Variants in GLYATL3 observed in about 807,000 individuals in gnomAD.
GLYATL3 encodes glycine N-acyltransferase-like protein 3.
A neutral mutation model predicts 28.5 loss-of-function variants in GLYATL3; 31 were observed. That is an observed-to-expected ratio of 1.09 (90% CI 0.82 to 1.47). GLYATL3 has a LOEUF of 1.47. Among genes scored for constraint, GLYATL3 ranks in the 40% most tolerant of loss-of-function variants. GLYATL3 has a pLI of 0.00. For synonymous variants in GLYATL3, 141 were observed against 140.2 expected (o/e 1.01, Z -0.04); for missense variants, 369 against 351.5 (o/e 1.05, Z -0.40).
chr6:49,518,713 G>A (rs1346401443), intron 4 of GLYATL3, among the ~76,000 whole-genome samples: 1 of 152,054 alleles, frequency 6.6e-6, no homozygotes, highest in African/African-American at 2.4e-5. Context: ...GGCCGAGGTG[G>A]GTAGATCGTG....
chr6:49,507,772 A>T, intron 1 of GLYATL3, among the ~76,000 whole-genome samples: 1 of 152,070 alleles, frequency 6.6e-6, no homozygotes, highest in Non-Finnish European at 1.5e-5. Context: ...AAATAGACAC[A>T]CACAAGATAG....
chr6:49,520,979 G>A (rs573241738), intron 4 of GLYATL3, among the ~76,000 whole-genome samples: 7 of 152,310 alleles, frequency 4.6e-5, no homozygotes, highest in South Asian at 4.1e-4. Flanking sequence ...TCATTCCACT[G>A]CACTCTAACC....
At chr6:49,514,279 C>G (rs1390623540) in intron 2 of GLYATL3, among the ~76,000 whole-genome samples, 1 of 152,178 alleles carries the variant, frequency 6.6e-6, no homozygotes, top group Non-Finnish European at 1.5e-5. Context: ...AATTGGATCA[C>G]ACAGTAAGTA....
chr6:49,523,537 A>C (rs531927452), intron 5 of GLYATL3, among the ~76,000 whole-genome samples: 39 of 152,338 alleles, frequency 2.6e-4, no homozygotes, highest in Non-Finnish European at 1.6e-4. Flanking sequence ...AGTCCTGGAA[A>C]TGGTAGCCCC....
At chr6:49,501,707 C>A (rs1186077233) in intron 1 of GLYATL3, among the ~76,000 whole-genome samples, 1 of 152,158 alleles carries the variant, frequency 6.6e-6, no homozygotes, top group Non-Finnish European at 1.5e-5. Flanking sequence ...TCCATAGAAA[C>A]AGGATGTGAA....
intron 5 of GLYATL3, among the ~76,000 whole-genome samples, chr6:49,526,033 G>T (rs1481757028): frequency 6.6e-6 from 1 of 152,234 alleles, no homozygotes; most frequent in Non-Finnish European, 1.5e-5. Flanking sequence ...CCGGAAAGGT[G>T]TTGGTAAATC....
rs1769252809 is a variant in GLYATL3 at position 49,518,329 on chromosome 6, GAGA to G, written c.313+780_313+782del. 3.3e-5 allele frequency among the ~76,000 whole-genome samples: 5 copies of G among 152,330 alleles called. No homozygotes were observed. The South Asian group carries it at 8.3e-4, about 25-fold the overall frequency. The stretch of plus-strand genomic sequence containing the variant: ...CTTGGGGCAGAACTTTATGCCAGGA[GAGA>G]AGAAGATTAAGGGTTTCTGATAGTT... On this transcript the variant is annotated intron_variant, in intron 4 of 5. Coordinates refer to ENST00000371197, the MANE Select transcript of GLYATL3 (RefSeq NM_001010904.2).
In GLYATL3 at chr6:49,526,969, T is replaced by C; in HGVS notation, c.*55T>C. 2 of 1,301,444 alleles carry C rather than the reference T, an allele frequency of 1.5e-6. No homozygotes were observed. Among genetic ancestry groups the C allele is most frequent in the Non-Finnish European group, 2.1e-6 (2 of 970,564 alleles). 80.6% of individuals were successfully genotyped at this position (1,301,444 alleles called of 1,614,324 possible). On this transcript the variant is annotated 3_prime_UTR_variant, in exon 6 of 6. Coordinates refer to ENST00000371197, the MANE Select transcript of GLYATL3 (RefSeq NM_001010904.2). Reference sequence around the variant, plus strand: ...CTTTCCCTGAGCATACACACACTCTTGGCTGCCAACGAGGGGAGAGTTAAA... The same window carrying C: ...CTTTCCCTGAGCATACACACACTCTCGGCTGCCAACGAGGGGAGAGTTAAA...
chr6:49,512,211 C>T (rs1233015108), intron 2 of GLYATL3, 143 bp downstream of exon 2: 4 of 448,894 alleles, frequency 8.9e-6, no homozygotes, highest in Non-Finnish European at 1.6e-5. Flanking sequence ...CCAGCTCCCT[C>T]CTGCTAGAGA....
Position 49,512,046 on chromosome 6 carries a change from G to C in GLYATL3, c.56G>C (p.Ser19Thr). 1.4e-6 allele frequency: 2 copies of C among 1,443,454 alleles called. No individual in the cohort carries two copies. The highest frequency in any genetic ancestry group is 2.5e-5 in the South Asian group (2 of 79,564). 89.4% of individuals were successfully genotyped at this position (1,443,454 alleles called of 1,614,324 possible). A position where few individuals can be genotyped will look rare whatever the true frequency, so the allele number is the denominator to read the frequency against. The change falls in exon 2 of 6, where the codon AGT becomes ACT. Residue 19 changes from serine to threonine, a missense_variant. Ser to Thr is a moderately conservative substitution (Grantham distance 58). Transcript: ENST00000371197. ...CTGATACTGGAGAAAATGTTGAAGAGTTGCTTTCCTGAATCACTCAAGGTA... is the reference window on the plus strand; with the variant it reads ...CTGATACTGGAGAAAATGTTGAAGACTTGCTTTCCTGAATCACTCAAGGTA... ...KLLILEKMLK[S>T]CFPESLKVYG...
At chr6:49,522,442 G>C (rs1769332242) in intron 5 of GLYATL3, among the ~76,000 whole-genome samples, 1 of 152,046 alleles carries the variant, frequency 6.6e-6, no homozygotes, top group Non-Finnish European at 1.5e-5. Flanking sequence ...ACCTTTCTGA[G>C]TCTCAATTTC....
At chr6:49,506,874 G>A (rs1769020141) in intron 1 of GLYATL3, among the ~76,000 whole-genome samples, 1 of 152,086 alleles carries the variant, frequency 6.6e-6, no homozygotes, top group African/African-American at 2.4e-5. Context: ...ACGTGGACTG[G>A]GGGAAAACAG....
intron 5 of GLYATL3, among the ~76,000 whole-genome samples, chr6:49,522,414 C>A (rs981662984): frequency 1.5e-4 from 23 of 152,186 alleles, no homozygotes; most frequent in African/African-American, 5.1e-4. Context: ...GGAGTCCCTG[C>A]TCTGTCATTT....
intron 1 of GLYATL3, among the ~76,000 whole-genome samples, chr6:49,507,740 C>T (rs1769036918): frequency 6.6e-6 from 1 of 152,112 alleles, no homozygotes; most frequent in Admixed American, 6.5e-5. Context: ...TGTTCCCAGA[C>T]AGATCGGCAG....
chr6:49,503,821 T>C (rs977167283), intron 1 of GLYATL3, among the ~76,000 whole-genome samples: 2 of 152,204 alleles, frequency 1.3e-5, no homozygotes, highest in African/African-American at 4.8e-5. Context: ...CAGATGGTAG[T>C]GTGACTGCCC....
intron 1 of GLYATL3, among the ~76,000 whole-genome samples, chr6:49,510,850 C>T (rs965386197): frequency 6.6e-6 from 1 of 152,204 alleles, no homozygotes; most frequent in African/African-American, 2.4e-5. Context: ...TGAACTAGAG[C>T]CCACAGGGCT....
intron 1 of GLYATL3, among the ~76,000 whole-genome samples, chr6:49,509,948 C>CTT (rs68151540): frequency 0.017 from 1,686 of 100,246 alleles, 31 homozygotes; most frequent in African/African-American, 0.042. Flanking sequence ...TATTTTCTTT[C>CTT]TCTTTCTTTC....
intron 4 of GLYATL3, among the ~76,000 whole-genome samples, chr6:49,520,848 C>T (rs2127238550): frequency 6.6e-6 from 1 of 152,196 alleles, no homozygotes; most frequent in Middle Eastern, 3.4e-3. Flanking sequence ...GACCCCATCT[C>T]TACAAAAACA....
At chr6:49,523,279 A>G (rs905910017) in intron 5 of GLYATL3, among the ~76,000 whole-genome samples, 2 of 152,226 alleles carry the variant, frequency 1.3e-5, no homozygotes, top group East Asian at 3.8e-4. Flanking sequence ...AAACGTTTCA[A>G]ACTCCTGGCC....
Sources: allele counts gnomAD v4.1 joint callset (sites outside exome capture counted in the v4.1 genomes callset), GRCh38; gene constraint gnomAD v4.1.1; transcripts MANE v1.5; gene names NCBI Gene and HGNC (gene_info 2026-07-23, HGNC 2026-07-21).